The following MACROD2 variants were observed in gnomAD, a reference collection of about 807,000 sequenced individuals.
The protein encoded by MACROD2 is mono-ADP ribosylhydrolase 2.
MACROD2 carries 36 observed loss-of-function variants against 70.4 expected under a neutral mutation model. That is an observed-to-expected ratio of 0.51 (90% confidence interval 0.39 to 0.68). The LOEUF (loss-of-function observed/expected upper bound fraction) is 0.68. Among genes scored for constraint, MACROD2 ranks in the 30% least tolerant of loss-of-function variants. The pLI is 0.00. For synonymous variants in MACROD2, 172 were observed against 178.8 expected (o/e 0.96, Z 0.30); for missense variants, 496 against 538.4 (o/e 0.92, Z 0.78).
At chr20:15,671,859 C>T (rs2049984177) in intron 8 of MACROD2, among the ~76,000 whole-genome samples, 1 of 152,186 alleles carries the variant, frequency 6.6e-6, no homozygotes, top group Admixed American at 6.5e-5. Flanking sequence ...ACAGTCTTGG[C>T]TTGTAGTTTT....
At chr20:14,302,904 G>A (rs1383140597) in intron 3 of MACROD2, among the ~76,000 whole-genome samples, 1 of 151,946 alleles carries the variant, frequency 6.6e-6, no homozygotes, top group African/African-American at 2.4e-5. Context: ...CACCCGCCTC[G>A]GACTCCCCAA....
At chr20:14,992,423 A>C (rs556166691) in intron 5 of MACROD2, among the ~76,000 whole-genome samples, 8 of 152,302 alleles carry the variant, frequency 5.3e-5, no homozygotes, top group Admixed American at 2.0e-4. Flanking sequence ...ACAAAAACTC[A>C]GTTGCTTTGA....
intron 12 of MACROD2, among the ~76,000 whole-genome samples, chr20:15,955,359 T>C (rs545476088): frequency 1.3e-5 from 2 of 152,274 alleles, no homozygotes; most frequent in South Asian, 2.1e-4. Context: ...TTTTCAACCA[T>C]TGGGTATTGT....
Position 14,593,236 on chromosome 20 carries a change from A to T in MACROD2, c.302-91607A>T, listed in dbSNP as rs546292067. Among the ~76,000 whole-genome samples the T allele has an allele frequency of 4.6e-5, 7 of 152,316 alleles. No homozygotes were observed. The South Asian group carries it at 1.4e-3, about 32-fold the overall frequency. On this transcript the variant is annotated intron_variant, in intron 4 of 17. Transcript: ENST00000684519. ...AATAGTTTTCTTATTCGATTAGAGG[A>T]AATTTTTTTGGGCTAAGTTTCCTAT...
chr20:15,368,763 C>T (rs868190465), intron 6 of MACROD2, among the ~76,000 whole-genome samples: 9 of 152,216 alleles, frequency 5.9e-5, no homozygotes, highest in Admixed American at 2.6e-4. Flanking sequence ...ACGCCCGGCC[C>T]AATCACAAAC....
At chr20:15,967,757 C>A in intron 13 of MACROD2, 127 bp downstream of exon 13, 1 of 699,666 alleles carries the variant, frequency 1.4e-6, no homozygotes, top group Non-Finnish European at 2.2e-6. Context: ...ACTTTATTAG[C>A]ACTGAATACC....
At chr20:14,965,167 T>C (rs76115021) in intron 5 of MACROD2, among the ~76,000 whole-genome samples, 2,415 of 152,188 alleles carry the variant, frequency 0.016, 63 homozygotes, top group African/African-American at 0.053. Context: ...TAAGCGTGTA[T>C]GTGGTGATTG....
At chr20:14,421,130 G>C (rs1231070522) in intron 3 of MACROD2, among the ~76,000 whole-genome samples, 1 of 152,086 alleles carries the variant, frequency 6.6e-6, no homozygotes, top group East Asian at 1.9e-4. Flanking sequence ...ATTTTGTCTA[G>C]GATTTTTGCA....
chr20:14,747,790 A>T (rs16994891), intron 5 of MACROD2, among the ~76,000 whole-genome samples: 7,314 of 151,658 alleles, frequency 0.048, 318 homozygotes, highest in East Asian at 0.18. Flanking sequence ...CTCTGTTGTT[A>T]TAATGGGAAA....
intron 8 of MACROD2, among the ~76,000 whole-genome samples, chr20:15,730,857 A>G (rs1428819606): frequency 1.4e-5 from 2 of 147,766 alleles, no homozygotes; most frequent in Non-Finnish European, 3.0e-5. Context: ...ACATAATCCC[A>G]TATTTCTTGG....
intron 3 of MACROD2, among the ~76,000 whole-genome samples, chr20:14,378,205 T>A (rs565300183): frequency 1.3e-5 from 2 of 152,246 alleles, no homozygotes; most frequent in African/African-American, 2.4e-5. Context: ...AACTGCTGCT[T>A]TGGGGACAAT....
chr20:15,939,008 A>G (rs2065709845), intron 12 of MACROD2, among the ~76,000 whole-genome samples: 1 of 152,214 alleles, frequency 6.6e-6, no homozygotes, highest in Non-Finnish European at 1.5e-5. Flanking sequence ...CAATTCTACT[A>G]ATGCTGAGAG....
chr20:14,103,129 C>G (rs544726656), intron 3 of MACROD2, among the ~76,000 whole-genome samples: 1 of 151,984 alleles, frequency 6.6e-6, no homozygotes, highest in Non-Finnish European at 1.5e-5. Flanking sequence ...TGCAGTCAAA[C>G]TAAACATTAA....
At chr20:14,118,461 C>T (rs953659126) in intron 3 of MACROD2, among the ~76,000 whole-genome samples, 1 of 152,162 alleles carries the variant, frequency 6.6e-6, no homozygotes, top group Admixed American at 6.5e-5. Context: ...AGGAGAAATA[C>T]GAATTCTCCT....
At chr20:15,095,515 T>G (rs1251466068) in intron 5 of MACROD2, among the ~76,000 whole-genome samples, 1 of 150,880 alleles carries the variant, frequency 6.6e-6, no homozygotes, top group African/African-American at 2.4e-5. Context: ...GTGTTTTTTG[T>G]TTTGTTTTGT....
At chr20:15,985,857 C>A (rs1422076379) in intron 13 of MACROD2, 1 of 152,204 alleles carries the variant, frequency 6.6e-6, no homozygotes, top group Admixed American at 6.5e-5. Flanking sequence ...CAAGCTACTG[C>A]CTTAAAATCC....
At chr20:15,234,053 A>C (rs1459659500) in intron 6 of MACROD2, among the ~76,000 whole-genome samples, 1 of 44,196 alleles carries the variant, frequency 2.3e-5, no homozygotes, top group Non-Finnish European at 4.4e-5. Flanking sequence ...TTTTTTTGAG[A>C]CGGAGTCTCG....
At chr20:15,055,337 C>A (rs1012526351) in intron 5 of MACROD2, among the ~76,000 whole-genome samples, 1 of 152,090 alleles carries the variant, frequency 6.6e-6, no homozygotes, top group African/African-American at 2.4e-5. Context: ...AGTGAGGATT[C>A]CTGGTTTTTA....
chr20:15,506,598 G>A (rs775564986), intron 8 of MACROD2, among the ~76,000 whole-genome samples: 4 of 152,290 alleles, frequency 2.6e-5, no homozygotes, highest in Non-Finnish European at 5.9e-5. Flanking sequence ...AAAAACCCCA[G>A]TGTGGGGCCT....
Sources: allele counts gnomAD v4.1 joint callset (sites outside exome capture counted in the v4.1 genomes callset), GRCh38; gene constraint gnomAD v4.1.1; transcripts MANE v1.5; gene names NCBI Gene and HGNC (gene_info 2026-07-23, HGNC 2026-07-21).